TAB2: variants seen among roughly 807,000 people sequenced by gnomAD.
TAB2 encodes the protein TGF-beta-activated kinase 1 and MAP3K7-binding protein 2.
TAB2 carries 3 observed loss-of-function variants against 65.0 expected under a neutral mutation model. That is an observed-to-expected ratio of 0.05 (90% confidence interval 0.02 to 0.12). TAB2 has a LOEUF of 0.12. Ranked by LOEUF, TAB2 falls within the 10% of genes least tolerant of loss-of-function variation. The probability of loss-of-function intolerance (pLI) is 1.00; values close to 1 mark genes in which losing one functional copy is unlikely to be tolerated. For missense variants in TAB2, 623 were observed against 840.3 expected, an observed-to-expected ratio of 0.74 and a Z score of 3.20; for synonymous variants, 298 against 285.1, an observed-to-expected ratio of 1.05 and a Z score of -0.46.
At chr6:149,364,744 A>G (rs920921117) in intron 1 of TAB2, among the ~76,000 whole-genome samples, 1 of 149,684 alleles carries the variant, frequency 6.7e-6, no homozygotes, top group Non-Finnish European at 1.5e-5. Context: ...TAAGACCTAT[A>G]TATCCAGTTG....
At chr6:149,248,219 C>A (rs1777767792) in intron 1 of TAB2, among the ~76,000 whole-genome samples, 1 of 152,010 alleles carries the variant, frequency 6.6e-6, no homozygotes, top group African/African-American at 2.4e-5. Context: ...TGGCGAAACC[C>A]CGTCTCTACT....
chr6:149,357,430 A>AAAAAAACACACACACACACACACACACAC, intron 1 of TAB2, among the ~76,000 whole-genome samples: 1 of 111,186 alleles, frequency 9.0e-6, no homozygotes, highest in African/African-American at 3.4e-5. Context: ...AGAAAAAAAA[A>AAAAAAACACACACACACACACACACACAC]ACACACACAC....
Position 149,357,430 on chromosome 6 carries a change from A to AAAACAC in TAB2, c.-89-12478_-89-12477insAACACA. On this transcript the variant is annotated intron_variant, in intron 1 of 6. Transcript: ENST00000637181. ...GACTCCGTCTCAAGGAGAAAAAAAA[A>AAAACAC]ACACACACACACACACACACACACA... Among the ~76,000 whole-genome samples the AAAACAC allele has an allele frequency of 1.7e-3, 185 of 111,186 alleles. 5 individuals are homozygous for AAAACAC. The highest frequency in any genetic ancestry group is 6.0e-3 in the African/African-American group (176 of 29,208). 72.9% of individuals were successfully genotyped at this position (111,186 alleles called of 152,430 possible).
chr6:149,403,329 TACATATATATACACACACAC>T (rs1562456574), intron 6 of TAB2, among the ~76,000 whole-genome samples: 15 of 55,752 alleles, frequency 2.7e-4, no homozygotes, highest in African/African-American at 9.0e-4. Context: ...CACATATATA[TACATATATATACACACACAC>T]ACACACACAC....
intron 6 of TAB2, among the ~76,000 whole-genome samples, chr6:149,403,234 TAA>T (rs745966790): frequency 0.047 from 3,108 of 65,674 alleles, 85 homozygotes; most frequent in Middle Eastern, 0.14. Context: ...AACTCTTGTC[TAA>T]AAAAAAAAAA....
intron 1 of TAB2, among the ~76,000 whole-genome samples, chr6:149,288,525 C>G (rs1778717124): frequency 6.6e-6 from 1 of 152,194 alleles, no homozygotes; most frequent in African/African-American, 2.4e-5. Context: ...GGAAAAGGGT[C>G]TTTTCCTCTT....
intron 3 of TAB2, among the ~76,000 whole-genome samples, chr6:149,381,168 G>A (rs145845948): frequency 1.4e-3 from 217 of 152,328 alleles, no homozygotes; most frequent in Middle Eastern, 6.8e-3. Flanking sequence ...GCATGTATTT[G>A]TGTGTGTGCA....
intron 1 of TAB2, among the ~76,000 whole-genome samples, chr6:149,310,564 A>C (rs1335064933): frequency 8.8e-6 from 1 of 114,016 alleles, no homozygotes; most frequent in Non-Finnish European, 1.8e-5. Context: ...AAAATAATAT[A>C]TATATTTTTT....
intron 1 of TAB2, among the ~76,000 whole-genome samples, chr6:149,339,122 T>G (rs1039166310): frequency 1.3e-5 from 2 of 152,154 alleles, no homozygotes; most frequent in African/African-American, 4.8e-5. Context: ...TCCCAGCCCT[T>G]TGGGAGGCCG....
intron 1 of TAB2, among the ~76,000 whole-genome samples, chr6:149,350,355 T>G (rs1380608480): frequency 2.0e-5 from 3 of 152,214 alleles, no homozygotes; most frequent in Non-Finnish European, 4.4e-5. Flanking sequence ...AAGGCATTTT[T>G]CAGATCTCTT....
At position 149,378,516 on chromosome 6, in the gene TAB2, C is replaced by T. The variant is rs1182070858; in HGVS notation, c.601C>T (p.Pro201Ser). 1 of 1,614,146 alleles carries T rather than the reference C, an allele frequency of 6.2e-7. No individual in the cohort carries two copies. The highest frequency in any genetic ancestry group is 8.5e-7 in the Non-Finnish European group (1 of 1,180,038). ...TACATCTTTGCACATACATGGTGTA[C>T]CTCCACCTGTACTTAACAGTCCACA... ...TPTSLHIHGV[P>S]PPVLNSPQGN... The change falls in exon 3 of 7, where the codon CCT becomes TCT. Residue 201 changes from proline to serine, a missense_variant. By Grantham distance (74) the Pro-to-Ser change is moderately conservative. Around this residue, in one of 3 missense-constraint regions of TAB2, gnomAD observed 550 missense variants for 665.7 expected, o/e 0.83. Transcript: ENST00000637181.
rs187007610 is a variant in TAB2, at chr6:149,255,767, G to A, written c.-121+36991G>A. ...ACAAAATTGCTATGTATATGAGCTAGAGAGGAGTATTTTTAAGTAATCAAG... is the reference window on the plus strand; with the variant it reads ...ACAAAATTGCTATGTATATGAGCTAAAGAGGAGTATTTTTAAGTAATCAAG... On this transcript the variant is annotated intron_variant, in intron 1 of 1. Transcript: ENST00000606202. 9.8e-4 allele frequency among the ~76,000 whole-genome samples: 149 copies of A among 152,338 alleles called. 1 individual carries two copies. Among genetic ancestry groups the A allele is most frequent in the Admixed American group, 9.7e-3 (148 of 15,296 alleles).
At chr6:149,344,230 A>T (rs1357517474) in intron 1 of TAB2, among the ~76,000 whole-genome samples, 4 of 152,234 alleles carry the variant, frequency 2.6e-5, no homozygotes, top group Non-Finnish European at 5.9e-5. Flanking sequence ...ATGAATATCA[A>T]GTCTTAGTTA....
chr6:149,219,781 G>T (rs1352362447), intron 1 of TAB2, among the ~76,000 whole-genome samples: 1 of 152,102 alleles, frequency 6.6e-6, no homozygotes, highest in African/African-American at 2.4e-5. Context: ...ACTTTTGATA[G>T]TTCCCAGTGT....
At chr6:149,330,174 C>T (rs941483029) in intron 1 of TAB2, among the ~76,000 whole-genome samples, 3 of 151,730 alleles carry the variant, frequency 2.0e-5, no homozygotes, top group African/African-American at 7.3e-5. Flanking sequence ...CTTTTTAATG[C>T]TAAAGAGTTT....
chr6:149,407,864 G>T (rs1782720263), intron 6 of TAB2, among the ~76,000 whole-genome samples: 1 of 151,122 alleles, frequency 6.6e-6, no homozygotes, highest in Admixed American at 6.6e-5. Context: ...AAATTTTATA[G>T]ATCCCTTATT....
At chr6:149,313,694 C>A (rs1409795381), upstream of TAB2, among the ~76,000 whole-genome samples, 1 of 152,206 alleles carries the variant, frequency 6.6e-6, no homozygotes, top group Non-Finnish European at 1.5e-5. Context: ...TCATTTGGCT[C>A]AAACCCTCAG....
At chr6:149,313,162 T>A (rs1215559894), upstream of TAB2, among the ~76,000 whole-genome samples, 1 of 152,012 alleles carries the variant, frequency 6.6e-6, no homozygotes, top group Non-Finnish European at 1.5e-5. Flanking sequence ...AATTATTATT[T>A]TTATTTTATT....
In TAB2 at chr6:149,318,187, C is replaced by T. The variant is rs1042715136; in HGVS notation, c.-90+172C>T. On this transcript the variant is annotated intron_variant, in intron 1 of 6. Transcript: ENST00000637181. ...TCCGCCTCTTTCCTTCCCCCAGTGG[C>T]GTGGCGGAGAGGGAGGCCCCCCGAG... 2.0e-5 allele frequency among the ~76,000 whole-genome samples: 3 copies of T among 151,398 alleles called. 1 individual carries two copies. The highest frequency in any genetic ancestry group is 4.4e-5 in the Non-Finnish European group (3 of 67,778).
Sources: allele counts gnomAD v4.1 joint callset (sites outside exome capture counted in the v4.1 genomes callset), GRCh38; gene constraint gnomAD v4.1.1; regional missense constraint gnomAD v4.1.1; transcripts MANE v1.5; gene names NCBI Gene and HGNC (gene_info 2026-07-23, HGNC 2026-07-21).